The following DIS3L2 variants were observed in gnomAD, a reference collection of about 807,000 sequenced individuals.
DIS3L2 encodes DIS3-like exonuclease 2.
A neutral mutation model predicts 97.5 loss-of-function variants in DIS3L2; 34 were observed. The ratio of observed to expected loss-of-function variants is 0.35; its 90% CI spans 0.27 to 0.46. The LOEUF is 0.46. Ranked by LOEUF, DIS3L2 falls within the 20% of genes least tolerant of loss-of-function variation. The probability of loss-of-function intolerance (pLI) is 1.00; values close to 1 mark genes in which losing one functional copy is unlikely to be tolerated. For missense variants in DIS3L2, 1,038 were observed against 1,146.0 expected (o/e 0.91, Z 1.36); for synonymous variants, 435 against 445.2 (o/e 0.98, Z 0.29).
At chr2:232,172,738 C>T in intron 9 of DIS3L2, 1 of 530,288 alleles carries the variant, frequency 1.9e-6, no homozygotes, top group South Asian at 1.4e-5. Context: ...TTTGCACTCC[C>T]TGTGGCAATG....
At chr2:232,023,258 G>A (rs1694570155) in intron 3 of DIS3L2, 1 of 152,110 alleles carries the variant, frequency 6.6e-6, no homozygotes, top group Non-Finnish European at 1.5e-5. Context: ...GTTGAATTAA[G>A]GACTGAATGA....
intron 8 of DIS3L2, among the ~76,000 whole-genome samples, chr2:232,158,939 C>T (rs1690575470): frequency 1.3e-5 from 2 of 151,986 alleles, no homozygotes; most frequent in South Asian, 2.1e-4. Context: ...TCGTCTTGTA[C>T]TCACAGTGTT....
chr2:232,198,750 T>C (rs1172514744), intron 9 of DIS3L2: 1 of 152,214 alleles, frequency 6.6e-6, no homozygotes, highest in Non-Finnish European at 1.5e-5. Flanking sequence ...CTTGGTTGAG[T>C]TGTGCCCAGT....
chr2:232,168,093 T>C (rs771950161), intron 9 of DIS3L2, among the ~76,000 whole-genome samples: 2 of 152,058 alleles, frequency 1.3e-5, no homozygotes, highest in Admixed American at 6.6e-5. Flanking sequence ...GAAGTTTAAG[T>C]CTATGGATAT....
chr2:232,221,774 CGG>C, intron 10 of DIS3L2, among the ~76,000 whole-genome samples: 1 of 152,048 alleles, frequency 6.6e-6, no homozygotes, highest in African/African-American at 2.4e-5. Flanking sequence ...GTACTCCAGC[CGG>C]GGTGACAAGA....
chr2:232,179,721 C>T (rs1574928934), intron 9 of DIS3L2, among the ~76,000 whole-genome samples: 1 of 107,854 alleles, frequency 9.3e-6, no homozygotes, highest in South Asian at 4.3e-4. Context: ...ATTAGTCTTG[C>T]TAGCGGTCTA....
At chr2:232,108,938 C>T (rs1195865476) in intron 6 of DIS3L2, among the ~76,000 whole-genome samples, 1 of 152,198 alleles carries the variant, frequency 6.6e-6, no homozygotes, top group Admixed American at 6.5e-5. Context: ...ACATTCCATG[C>T]TCATGGATTG....
At chr2:232,164,775 T>C (rs1559693878) in intron 9 of DIS3L2, among the ~76,000 whole-genome samples, 1 of 152,198 alleles carries the variant, frequency 6.6e-6, no homozygotes. Context: ...ATTTTCATAA[T>C]AACCCCTCTA....
At chr2:232,008,625 C>G (rs927031571) in intron 1 of DIS3L2, among the ~76,000 whole-genome samples, 2 of 152,118 alleles carry the variant, frequency 1.3e-5, no homozygotes, top group Non-Finnish European at 2.9e-5. Context: ...TGGGTCTGGC[C>G]TGCCTTGAGT....
chr2:232,236,309 C>G (rs1433124473), intron 10 of DIS3L2, among the ~76,000 whole-genome samples: 1 of 152,160 alleles, frequency 6.6e-6, no homozygotes, highest in Non-Finnish European at 1.5e-5. Flanking sequence ...TAGGACTGAT[C>G]ATTCAGGTTA....
At chr2:232,031,496 C>CTTT (rs142118818) in intron 5 of DIS3L2, among the ~76,000 whole-genome samples, 4 of 135,790 alleles carry the variant, frequency 2.9e-5, no homozygotes, top group Admixed American at 7.3e-5. Flanking sequence ...TGCAGGGTTT[C>CTTT]TTTTTTTTTT....
intron 9 of DIS3L2, among the ~76,000 whole-genome samples, chr2:232,182,210 G>T (rs1468090391): frequency 6.6e-6 from 1 of 152,026 alleles, no homozygotes; most frequent in Non-Finnish European, 1.5e-5. Context: ...TTAGGAGTAG[G>T]TTGTTTAATT....
At chr2:232,295,795 A>G (rs1694712298) in intron 13 of DIS3L2, among the ~76,000 whole-genome samples, 2 of 152,198 alleles carry the variant, frequency 1.3e-5, no homozygotes, top group Non-Finnish European at 2.9e-5. Context: ...CTTTTCTGAT[A>G]GATCCAAAGG....
At chr2:232,102,204 G>A (rs2106324760) in intron 6 of DIS3L2, among the ~76,000 whole-genome samples, 1 of 152,296 alleles carries the variant, frequency 6.6e-6, no homozygotes, top group East Asian at 1.9e-4. Flanking sequence ...GGGGATATTG[G>A]AATAAGTTAA....
chr2:232,262,659 T>G (rs918458623), intron 12 of DIS3L2, among the ~76,000 whole-genome samples: 4 of 152,222 alleles, frequency 2.6e-5, no homozygotes, highest in Admixed American at 1.3e-4. Context: ...GTGCCAAGAT[T>G]GAGAAGCCTG....
intron 9 of DIS3L2, among the ~76,000 whole-genome samples, chr2:232,176,987 G>A (rs1453652471): frequency 7.2e-6 from 1 of 139,318 alleles, no homozygotes; most frequent in African/African-American, 2.7e-5. Context: ...ACCAGAGTGT[G>A]ATATTCCCCT....
chr2:232,197,877 T>A (rs930654793), intron 9 of DIS3L2, among the ~76,000 whole-genome samples: 1 of 151,606 alleles, frequency 6.6e-6, no homozygotes, highest in African/African-American at 2.4e-5. Context: ...GGAGAATCAC[T>A]TGAACCCGGG....
At position 232,283,917 on chromosome 2, in the gene DIS3L2, C is replaced by G. The variant is rs1694362221; in HGVS notation, c.1660-16123C>G. On this transcript the variant is annotated intron_variant, in intron 13 of 20. Transcript: ENST00000325385. The stretch of plus-strand genomic sequence containing the variant: ...ATAAAACTAGACACACCCATTATGC[C>G]AATGTCAGTTTCCTGCGTTTGATAT... Among the ~76,000 whole-genome samples, 3 of 152,122 alleles carry G rather than the reference C, an allele frequency of 2.0e-5. No individual in the cohort carries two copies. The South Asian group carries it at 6.2e-4, about 32-fold the overall frequency.
intron 9 of DIS3L2, among the ~76,000 whole-genome samples, chr2:232,189,281 A>G (rs1461883323): frequency 1.3e-5 from 2 of 152,226 alleles, no homozygotes; most frequent in African/African-American, 2.4e-5. Flanking sequence ...ATGAATTTCT[A>G]TAGCAGTTTT....
Sources: gnomAD v4.1 joint callset for allele counts (sites outside exome capture counted in the v4.1 genomes callset) on GRCh38, gnomAD v4.1.1 for gene constraint, MANE v1.5 for transcripts, NCBI Gene and HGNC (gene_info 2026-07-23, HGNC 2026-07-21) for gene names.